EDA: variants seen among roughly 807,000 people sequenced by gnomAD.
EDA encodes the protein ectodysplasin A, also known as ectodysplasin-A.
In EDA, 2 loss-of-function variants were observed where a neutral mutation model predicts 23.6. That is an observed-to-expected ratio of 0.08 (90% CI 0.03 to 0.27). The LOEUF is 0.27. Among genes scored for constraint, EDA ranks in the 10% least tolerant of loss-of-function variants. The probability of loss-of-function intolerance (pLI) is 1.00; values close to 1 mark genes in which losing one functional copy is unlikely to be tolerated. For missense variants in EDA, 229 were observed against 324.2 expected (o/e 0.71, Z 2.26); for synonymous variants, 131 against 132.0 (o/e 0.99, Z 0.05).
intron 1 of EDA, among the ~76,000 whole-genome samples, chrX:69,721,592 A>G (rs1381105701): frequency 1.2e-4 from 13 of 110,745 alleles, no homozygotes; most frequent in Non-Finnish European, 2.5e-4. Context: ...TGCTGGTGAC[A>G]TTGGGCTCAC....
intron 1 of EDA, among the ~76,000 whole-genome samples, chrX:69,932,815 A>T (rs1216387911): frequency 2.7e-5 from 3 of 111,501 alleles, no homozygotes; most frequent in Non-Finnish European, 3.8e-5. Context: ...GCTTCCATAT[A>T]TACTGCTATT....
intron 1 of EDA, among the ~76,000 whole-genome samples, chrX:69,725,279 C>T (rs1027333107): frequency 8.9e-6 from 1 of 111,992 alleles, no homozygotes; most frequent in Middle Eastern, 4.6e-3. Flanking sequence ...ACTCATCTAG[C>T]TCCAACAGTA....
At chrX:69,680,723 G>A (rs1217761722) in intron 1 of EDA, among the ~76,000 whole-genome samples, 1 of 88,567 alleles carries the variant, frequency 1.1e-5, no homozygotes, top group Non-Finnish European at 2.1e-5. Context: ...GTCTCTGCAC[G>A]TGAGATGGGT....
intron 1 of EDA, among the ~76,000 whole-genome samples, chrX:69,765,229 G>T (rs1004461910): frequency 1.8e-5 from 2 of 111,910 alleles, no homozygotes; most frequent in African/African-American, 6.5e-5. Context: ...ATTTTCATGC[G>T]TTCATTCAAC....
Position 69,682,725 on chromosome X carries a change from A to T in EDA, c.396+66021A>T, listed in dbSNP as rs753437496. On this transcript the variant is annotated intron_variant, in intron 1 of 7. Coordinates refer to ENST00000374552, the MANE Select transcript of EDA (RefSeq NM_001399.5). ...CACTGACCTATGCCCACTGTCTGGCACTCCCTAGTGAGATGAACCCGGTAT... is the reference window on the plus strand; with the variant it reads ...CACTGACCTATGCCCACTGTCTGGCTCTCCCTAGTGAGATGAACCCGGTAT... Among the ~76,000 whole-genome samples, 16 of 110,310 alleles carry T rather than the reference A, an allele frequency of 1.5e-4. No homozygotes were observed. In the South Asian group the frequency reaches 6.3e-3, roughly 43 times the overall value.
chrX:69,860,797 C>T, intron 1 of EDA: 1 of 515,931 alleles, frequency 1.9e-6, no homozygotes, highest in Non-Finnish European at 3.5e-6. Flanking sequence ...GGGAAATTCT[C>T]ATGGATGATA....
At chrX:69,724,681 A>T (rs952919290) in intron 1 of EDA, among the ~76,000 whole-genome samples, 1 of 111,791 alleles carries the variant, frequency 8.9e-6, no homozygotes, top group Non-Finnish European at 1.9e-5. Flanking sequence ...TCTTTGTGGG[A>T]TGGTTATCTG....
intron 1 of EDA, among the ~76,000 whole-genome samples, chrX:69,902,584 TA>T (rs1235963361): frequency 8.9e-6 from 1 of 112,081 alleles, no homozygotes; most frequent in Non-Finnish European, 1.9e-5. Context: ...CCTTTTCCTC[TA>T]AAGCTATAAC....
chrX:69,839,917 T>C (rs1433546186), intron 1 of EDA, among the ~76,000 whole-genome samples: 1 of 112,573 alleles, frequency 8.9e-6, no homozygotes, highest in African/African-American at 3.2e-5. Flanking sequence ...TTAACAAGTG[T>C]TATGAAAAAA....
intron 1 of EDA, among the ~76,000 whole-genome samples, chrX:69,756,022 C>T (rs370988932): frequency 3.6e-5 from 4 of 112,014 alleles, no homozygotes; most frequent in East Asian, 5.7e-4. Context: ...CCGGGTGAGG[C>T]GATGCCCCGC....
At chrX:69,935,510 G>A (rs1031428022) in intron 1 of EDA, among the ~76,000 whole-genome samples, 1 of 111,265 alleles carries the variant, frequency 9.0e-6, no homozygotes, top group Non-Finnish European at 1.9e-5. Flanking sequence ...ATTTACAAAA[G>A]CTTTAAAAAC....
At chrX:70,032,537 C>T (rs913107371) in intron 6 of EDA, among the ~76,000 whole-genome samples, 4 of 111,513 alleles carry the variant, frequency 3.6e-5, no homozygotes, top group Non-Finnish European at 7.5e-5. Flanking sequence ...TGGATGTCCT[C>T]CTCTCATGGT....
intron 1 of EDA, among the ~76,000 whole-genome samples, chrX:69,728,114 G>A (rs1243898464): frequency 2.7e-5 from 3 of 109,911 alleles, no homozygotes; most frequent in Admixed American, 9.7e-5. Context: ...GCATGGTGGC[G>A]CATGCCTGTA....
At chrX:69,655,759 A>AATCTAT (rs1933290842) in intron 1 of EDA, among the ~76,000 whole-genome samples, 1 of 39,370 alleles carries the variant, frequency 2.5e-5, no homozygotes, top group African/African-American at 2.7e-4. Context: ...ACATCATTAG[A>AATCTAT]ATCTATATAT....
chrX:69,714,261 C>T (rs1490492237), intron 1 of EDA, among the ~76,000 whole-genome samples: 1 of 110,689 alleles, frequency 9.0e-6, no homozygotes, highest in Non-Finnish European at 1.9e-5. Flanking sequence ...TTTTAGTTTA[C>T]TCTTGAGTTT....
At chrX:70,017,221 C>T (rs2019963530) in intron 2 of EDA, among the ~76,000 whole-genome samples, 1 of 111,663 alleles carries the variant, frequency 9.0e-6, no homozygotes, top group East Asian at 2.8e-4. Flanking sequence ...AATAAATAGC[C>T]TGCTAAGAAA....
At chrX:69,740,836 C>G (rs764125702) in intron 1 of EDA, among the ~76,000 whole-genome samples, 1 of 108,979 alleles carries the variant, frequency 9.2e-6, no homozygotes, top group Non-Finnish European at 1.9e-5. Context: ...ATTCTTCATT[C>G]TTTCTTTTCT....
chrX:69,780,085 T>C (rs1188317764), intron 1 of EDA, among the ~76,000 whole-genome samples: 1 of 98,008 alleles, frequency 1.0e-5, no homozygotes, highest in Non-Finnish European at 2.0e-5. Context: ...TATATGTATA[T>C]GTATACAGAT....
intron 1 of EDA, among the ~76,000 whole-genome samples, chrX:69,944,119 C>A (rs2018801939): frequency 9.0e-6 from 1 of 111,374 alleles, no homozygotes; most frequent in African/African-American, 3.3e-5. Flanking sequence ...CATCCAAGAG[C>A]CGAGGCCTAG....
Sources: allele counts gnomAD v4.1 joint callset (sites outside exome capture counted in the v4.1 genomes callset), GRCh38; gene constraint gnomAD v4.1.1; transcripts MANE v1.5; gene names NCBI Gene and HGNC (gene_info 2026-07-23, HGNC 2026-07-21).